ATP5F1A: variants seen among roughly 807,000 people sequenced by gnomAD.
The protein encoded by ATP5F1A is ATP synthase F(1) complex subunit alpha, mitochondrial.
Under a neutral mutation model 57.4 loss-of-function variants are expected in ATP5F1A, and 24 were observed. That is an observed-to-expected ratio of 0.42 (90% confidence interval 0.30 to 0.59). The LOEUF is 0.59. Ranked by LOEUF, ATP5F1A falls within the 20% of genes least tolerant of loss-of-function variation. The pLI is 0.19. For missense variants in ATP5F1A, 494 were observed against 707.9 expected (o/e 0.70, Z 3.43); for synonymous variants, 251 against 255.5 (o/e 0.98, Z 0.17).
intron 2 of ATP5F1A, 108 bp from the exon 3 acceptor site, chr18:46,091,959 G>C: frequency 9.2e-7 from 1 of 1,087,488 alleles, no homozygotes. Flanking sequence ...GATCACCTAA[G>C]GGCAGGAGTT....
At chr18:46,098,300 G>T (rs1599795224), upstream of ATP5F1A, 1 of 1,525,760 alleles carries the variant, frequency 6.6e-7, no homozygotes. Flanking sequence ...CAAAATGGCC[G>T]AGCCGCAAAG....
intron 2 of ATP5F1A, among the ~76,000 whole-genome samples, chr18:46,094,190 T>TAC (rs1367050543): frequency 3.9e-5 from 5 of 127,820 alleles, no homozygotes; most frequent in African/African-American, 1.3e-4. Flanking sequence ...CACACACATA[T>TAC]ACACACACAC....
intron 1 of ATP5F1A, chr18:46,097,818 GAA>G (rs898060242): frequency 7.3e-6 from 8 of 1,089,614 alleles, no homozygotes; most frequent in Non-Finnish European, 8.9e-6. Flanking sequence ...CCTAAGAATC[GAA>G]AGAGAGGAAC....
chr18:46,094,392 G>A lies in ATP5F1A; in HGVS notation c.139+661C>T, dbSNP rs116756603. ...AAAAAATAAAACCTATCAGTGGACC[G>A]GTGCAGTGGCTCACGCCTTTAATCC... is the stretch of plus-strand genomic sequence containing the variant. On this transcript the variant is annotated intron_variant, in intron 2 of 11. Coordinates refer to ENST00000398752, the MANE Select transcript of ATP5F1A (RefSeq NM_004046.6). Among the ~76,000 whole-genome samples, 1,035 of 152,082 alleles carry A rather than the reference G, an allele frequency of 6.8e-3. 7 individuals are homozygous for A. Among genetic ancestry groups the A allele is most frequent in the African/African-American group, 0.023 (968 of 41,480 alleles).
intron 2 of ATP5F1A, among the ~76,000 whole-genome samples, chr18:46,092,918 G>C (rs182931150): frequency 7.9e-5 from 12 of 151,794 alleles, no homozygotes; most frequent in African/African-American, 2.4e-4. Flanking sequence ...GATGCCAAAG[G>C]GGGTGGATCA....
chr18:46,097,526 C>T (rs973451848), intron 1 of ATP5F1A, among the ~76,000 whole-genome samples: 4 of 152,142 alleles, frequency 2.6e-5, no homozygotes, highest in African/African-American at 9.7e-5. Context: ...CACACTCTGC[C>T]GGAGAGACAA....
chr18:46,093,952 C>T (rs1174327546), intron 2 of ATP5F1A, among the ~76,000 whole-genome samples: 3 of 151,426 alleles, frequency 2.0e-5, no homozygotes, highest in Non-Finnish European at 4.4e-5. Context: ...ACAAAAAATA[C>T]AAAAATTAGC....
rs764942799 is a variant in ATP5F1A, at chr18:46,091,891, G to T, written c.140-40C>A. On this transcript the variant is annotated intron_variant, in intron 2 of 11. Coordinates refer to ENST00000398752, the MANE Select transcript of ATP5F1A (RefSeq NM_004046.6). ...TCAATTCAATTAAAAAAATAATCTG[G>T]GCCAGGCACAGTGGCTCACAGCTGT... 2.5e-5 allele frequency: 39 copies of T among 1,581,766 alleles called. 1 individual carries two copies. Among genetic ancestry groups the T allele is most frequent in the African/African-American group, 4.1e-5 (3 of 73,676 alleles).
At chr18:46,095,881 T>TAC (rs1244627413) in intron 1 of ATP5F1A, among the ~76,000 whole-genome samples, 2 of 151,768 alleles carry the variant, frequency 1.3e-5, no homozygotes, top group African/African-American at 2.4e-5. Context: ...AATATATATA[T>TAC]ACACACACAT....
At chr18:46,090,674 A>C (rs1315194792) in intron 3 of ATP5F1A, among the ~76,000 whole-genome samples, 1 of 152,162 alleles carries the variant, frequency 6.6e-6, no homozygotes, top group Admixed American at 6.5e-5. Context: ...CACATCCAAA[A>C]ACTTTAACCT....
chr18:46,086,820 C>T lies in ATP5F1A; in HGVS notation c.1176+188G>A, dbSNP rs8093880. On this transcript the variant is annotated intron_variant, in intron 8 of 11. Coordinates refer to ENST00000398752, the MANE Select transcript of ATP5F1A (RefSeq NM_004046.6). The stretch of plus-strand genomic sequence containing the variant: ...CTAGAACGAAACATGCTACTCTATG[C>T]AATAACTGGGTGACAGATACATGGG... The T allele has an allele frequency of 0.39, 259,674 of 659,640 alleles. 53,929 individuals carry two copies. The highest frequency in any genetic ancestry group is 0.51 in the Middle Eastern group (1,547 of 3,040). 40.9% of individuals were successfully genotyped at this position (659,640 alleles called of 1,614,324 possible). A position where few individuals can be genotyped will look rare whatever the true frequency, so the allele number is the denominator to read the frequency against.
intron 6 of ATP5F1A, 91 bp downstream of exon 6, chr18:46,088,018 T>C: frequency 7.0e-7 from 1 of 1,436,218 alleles, no homozygotes; most frequent in Non-Finnish European, 9.5e-7. Flanking sequence ...AGGAAGTAAT[T>C]AAAATATGCC....
chr18:46,081,606 G>A lies in ATP5F1A; in HGVS notation c.*2676C>T, dbSNP rs567002913. 6.8e-6 allele frequency: 1 copy of A among 146,996 alleles called. No individual in the cohort carries two copies. The highest frequency in any genetic ancestry group is 2.2e-4 in the South Asian group (1 of 4,496). The allele number at this position is 146,996 out of a possible 1,614,324, so 9.1% of individuals were successfully genotyped here. ...TTGACCCCAGGAGGCGGTGGTTGTG[G>A]TGAGCCGAGATCGTGCCATTGCACT... On this transcript the variant is annotated 3_prime_UTR_variant, in exon 12 of 12. Coordinates refer to ENST00000398752, the MANE Select transcript of ATP5F1A (RefSeq NM_004046.6).
At chr18:46,096,177 C>T (rs1323646067) in intron 1 of ATP5F1A, among the ~76,000 whole-genome samples, 5 of 152,196 alleles carry the variant, frequency 3.3e-5, no homozygotes, top group African/African-American at 1.2e-4. Context: ...ACGTCAGCCA[C>T]TGCACCCGGC....
intron 2 of ATP5F1A, among the ~76,000 whole-genome samples, chr18:46,093,913 C>A (rs894806556): frequency 1.3e-5 from 2 of 152,042 alleles, no homozygotes; most frequent in African/African-American, 4.8e-5. Flanking sequence ...TCGAGACCAG[C>A]CTGGCTAACA....
At chr18:46,097,251 G>A (rs1911032453) in intron 1 of ATP5F1A, among the ~76,000 whole-genome samples, 1 of 152,034 alleles carries the variant, frequency 6.6e-6, no homozygotes, top group South Asian at 2.1e-4. Flanking sequence ...ACCAGCGGTT[G>A]TTAAGGCAGC....
upstream of ATP5F1A, chr18:46,098,356 G>T: frequency 3.0e-6 from 4 of 1,317,512 alleles, no homozygotes; most frequent in South Asian, 1.8e-5. Flanking sequence ...ACTGCCCCTC[G>T]CGTTCACCAC....
At chr18:46,086,564 A>G in intron 8 of ATP5F1A, 70 bp from the exon 9 acceptor site, 1 of 1,433,826 alleles carries the variant, frequency 7.0e-7, no homozygotes, top group Non-Finnish European at 9.6e-7. Context: ...AATTTAAGTC[A>G]TTATGCCAAA....
upstream of ATP5F1A, chr18:46,098,372 C>A (rs1475769557): frequency 5.8e-6 from 7 of 1,213,130 alleles, no homozygotes; most frequent in Non-Finnish European, 5.4e-6. Flanking sequence ...ACCACCTCTC[C>A]CCCCGCCCCC....
Sources: gnomAD v4.1 joint callset for allele counts (sites outside exome capture counted in the v4.1 genomes callset) on GRCh38, gnomAD v4.1.1 for gene constraint, MANE v1.5 for transcripts, NCBI Gene and HGNC (gene_info 2026-07-23, HGNC 2026-07-21) for gene names.